The following GAB2 variants were observed in gnomAD, a reference collection of about 807,000 sequenced individuals.
GAB2 encodes the protein GRB2 associated binding protein 2.
In GAB2, 26 loss-of-function variants were observed where a neutral mutation model predicts 65.5. The observed-to-expected ratio is 0.40, with a 90% confidence interval of 0.29 to 0.55. The LOEUF is 0.55. Among genes scored for constraint, GAB2 ranks in the 20% least tolerant of loss-of-function variants. The pLI is 0.53. For synonymous variants in GAB2, 321 were observed against 329.6 expected, an observed-to-expected ratio of 0.97 and a Z score of 0.28; for missense variants, 884 against 875.8, an observed-to-expected ratio of 1.01 and a Z score of -0.12.
At chr11:78,233,374 A>C (rs1175944447) in intron 3 of GAB2, among the ~76,000 whole-genome samples, 1 of 152,110 alleles carries the variant, frequency 6.6e-6, no homozygotes, top group Non-Finnish European at 1.5e-5. Flanking sequence ...GCAGAGGTAA[A>C]GCAGAATCTC....
rs557436236 is a variant in GAB2, at chr11:78,396,700, C to T, written c.75+20946G>A. Among the ~76,000 whole-genome samples, 460 of 152,252 alleles carry T rather than the reference C, an allele frequency of 3.0e-3. 1 individual carries two copies. The highest frequency in any genetic ancestry group is 0.01 in the African/African-American group (426 of 41,538). On this transcript the variant is annotated intron_variant, in intron 1 of 9. Transcript: ENST00000361507. ...GCAACCTCCGCCTCCCGGGTTCAAG[C>T]GATTCTCCTGCCTCAGCCACCCGAG...
chr11:78,222,341 TATA>T, intron 6 of GAB2, 146 bp from the exon 7 acceptor site: 1 of 627,650 alleles, frequency 1.6e-6, no homozygotes, highest in South Asian at 1.8e-5. Context: ...AGCGAGGTTG[TATA>T]ATCTTTGCCC....
intron 1 of GAB2, among the ~76,000 whole-genome samples, chr11:78,361,767 T>C (rs991556111): frequency 3.9e-5 from 6 of 152,138 alleles, no homozygotes; most frequent in Non-Finnish European, 8.8e-5. Context: ...GGAGTGTAAA[T>C]AGTTACAAAC....
At chr11:78,311,307 C>T (rs557253339) in intron 1 of GAB2, among the ~76,000 whole-genome samples, 1 of 152,112 alleles carries the variant, frequency 6.6e-6, no homozygotes, top group Non-Finnish European at 1.5e-5. Context: ...AAAATGAGCT[C>T]TTTCATATAC....
chr11:78,359,264 A>G (rs1337210205), intron 1 of GAB2, among the ~76,000 whole-genome samples: 1 of 152,226 alleles, frequency 6.6e-6, no homozygotes, highest in African/African-American at 2.4e-5. Flanking sequence ...ACAAATGTCA[A>G]GCAGGATAAA....
At chr11:78,331,690 A>T (rs915740709) in intron 1 of GAB2, among the ~76,000 whole-genome samples, 2 of 152,174 alleles carry the variant, frequency 1.3e-5, no homozygotes, top group Non-Finnish European at 2.9e-5. Flanking sequence ...TCCTCAGGAT[A>T]AGAGGAATAG....
chr11:78,302,518 A>C (rs1026526538), intron 1 of GAB2, among the ~76,000 whole-genome samples: 3 of 152,174 alleles, frequency 2.0e-5, no homozygotes, highest in South Asian at 4.1e-4. Context: ...CCATTAAAAA[A>C]AAAACAAAAC....
intron 1 of GAB2, among the ~76,000 whole-genome samples, chr11:78,401,947 A>C (rs1040465976): frequency 6.6e-6 from 1 of 152,174 alleles, no homozygotes. Context: ...GGTTATATGA[A>C]CCATATAGAA....
chr11:78,219,240 G>A lies in GAB2; in HGVS notation c.*32C>T, dbSNP rs1864296734. 1.2e-6 allele frequency: 2 copies of A among 1,605,356 alleles called. No individual in the cohort carries two copies. The highest frequency in any genetic ancestry group is 1.1e-5 in the South Asian group (1 of 90,616). On this transcript the variant is annotated 3_prime_UTR_variant, in exon 10 of 10. Transcript: ENST00000361507. ...GATGGGAAGGGCCAGCTCTGGAGAT[G>A]CTGCCTCCTGGGCTCTGCGGTGGCC...
At position 78,226,910 on chromosome 11, in the gene GAB2, C is replaced by T. The variant is rs376813781; in HGVS notation, c.762G>A (p.Pro254=). 24 of 1,613,860 alleles carry T rather than the reference C, an allele frequency of 1.5e-5. No homozygotes were observed. Among genetic ancestry groups the T allele is most frequent in the Middle Eastern group, 1.6e-4 (1 of 6,084 alleles). The change falls in exon 4 of 10, where the codon CCG becomes CCA. Residue 254 remains proline, a synonymous_variant. Coordinates refer to ENST00000361507, the MANE Select transcript of GAB2 (RefSeq NM_080491.3). Reference sequence around the variant, plus strand: ...CTCTGAATTCTGTATTGTGCCGGCTCGGCTTGGGAAGGCTATAGAAGCCAT... The same window carrying T: ...CTCTGAATTCTGTATTGTGCCGGCTTGGCTTGGGAAGGCTATAGAAGCCAT... The part of the protein sequence containing the change: ...QVHGFYSLPK[P]SRHNTEFRDS...
chr11:78,398,636 T>TA (rs1054135536), intron 1 of GAB2, among the ~76,000 whole-genome samples: 9 of 151,840 alleles, frequency 5.9e-5, no homozygotes, highest in African/African-American at 2.2e-4. Flanking sequence ...AATGTTATAA[T>TA]AAAAAAAATA....
chr11:78,291,568 T>C (rs1374015811), intron 1 of GAB2, among the ~76,000 whole-genome samples: 2,699 of 109,996 alleles, frequency 0.025, 160 homozygotes, highest in African/African-American at 0.091. Context: ...TTTCTTTTTT[T>C]TTTTTTTTTT....
chr11:78,309,963 TGTGTGTGTGC>T lies in GAB2; in HGVS notation c.76-29072_76-29063del, dbSNP rs754994483. On this transcript the variant is annotated intron_variant, in intron 1 of 9. Coordinates refer to ENST00000361507, the MANE Select transcript of GAB2 (RefSeq NM_080491.3). ...GTGTGTGTGTGTGTGTGTGTGTGTG[TGTGTGTGTGC>T]GCGCGCGCCTGTGTGTGTGGTGGTG... 4.1e-3 allele frequency among the ~76,000 whole-genome samples: 474 copies of T among 115,640 alleles called. 6 individuals are homozygous for T. Among genetic ancestry groups the T allele is most frequent in the African/African-American group, 0.013 (427 of 31,936 alleles). The allele number at this position is 115,640 out of a possible 152,430, so 75.9% of individuals were successfully genotyped here. A position where few individuals can be genotyped will look rare whatever the true frequency, so the allele number is the denominator to read the frequency against.
rs188759230 is a variant in GAB2, at chr11:78,271,045, A to G, written c.376+9556T>C. ...ATAAATGGAGGAGGGATGGGATAAA[A>G]GGAAAAGAGAAGTCCTCAGCTTTGA... On this transcript the variant is annotated intron_variant, in intron 2 of 9. Coordinates refer to ENST00000361507, the MANE Select transcript of GAB2 (RefSeq NM_080491.3). 9.1e-4 allele frequency among the ~76,000 whole-genome samples: 139 copies of G among 152,376 alleles called. 1 individual carries two copies. The highest frequency in any genetic ancestry group is 3.2e-3 in the African/African-American group (135 of 41,590).
chr11:78,389,385 C>CA (rs1197719089), intron 1 of GAB2, among the ~76,000 whole-genome samples: 1 of 151,712 alleles, frequency 6.6e-6, no homozygotes, highest in Admixed American at 6.6e-5. Flanking sequence ...CGGCTCACTG[C>CA]AACCTCCGCC....
intron 1 of GAB2, among the ~76,000 whole-genome samples, chr11:78,383,825 G>T (rs1378411563): frequency 6.6e-6 from 1 of 152,128 alleles, no homozygotes; most frequent in African/African-American, 2.4e-5. Flanking sequence ...TCTCTGGGAG[G>T]TGGAGGGATT....
chr11:78,322,278 G>GCA, intron 1 of GAB2, among the ~76,000 whole-genome samples: 1 of 106,158 alleles, frequency 9.4e-6, no homozygotes, highest in Non-Finnish European at 1.8e-5. Context: ...AAGCCTGGCT[G>GCA]ACAGAGGGAG....
Position 78,221,117 on chromosome 11 carries a change from G to A in GAB2, c.1761+560C>T, listed in dbSNP as rs139642257. Among the ~76,000 whole-genome samples the A allele has an allele frequency of 4.2e-3, 646 of 152,290 alleles. 5 individuals are homozygous for A. Among genetic ancestry groups the A allele is most frequent in the Non-Finnish European group, 3.8e-3 (261 of 68,030 alleles). ...AGCACCACCTCCTCTAGAACTTTCTGGAAGTCTTATTCTAATGAGAAGGTG... is the reference window on the plus strand; with the variant it reads ...AGCACCACCTCCTCTAGAACTTTCTAGAAGTCTTATTCTAATGAGAAGGTG... On this transcript the variant is annotated intron_variant, in intron 8 of 9. Transcript: ENST00000361507.
At chr11:78,267,424 CTCTT>C (rs939404505) in intron 2 of GAB2, among the ~76,000 whole-genome samples, 1 of 152,196 alleles carries the variant, frequency 6.6e-6, no homozygotes, top group African/African-American at 2.4e-5. Flanking sequence ...AAAACACTGC[CTCTT>C]TGTTTATACA....
Sources: allele counts gnomAD v4.1 joint callset (sites outside exome capture counted in the v4.1 genomes callset), GRCh38; gene constraint gnomAD v4.1.1; transcripts MANE v1.5; gene names NCBI Gene and HGNC (gene_info 2026-07-23, HGNC 2026-07-21).